Variants in TUSC3 observed in about 807,000 individuals in gnomAD.
TUSC3 encodes dolichyl-diphosphooligosaccharide--protein glycosyltransferase subunit TUSC3.
In TUSC3, 45 loss-of-function variants were observed where a neutral mutation model predicts 44.8. That is an observed-to-expected ratio of 1.00 (90% CI 0.79 to 1.29). TUSC3 has a LOEUF of 1.29. TUSC3 is among the 50% of genes most tolerant of loss of function. The pLI, the probability that TUSC3 is intolerant of heterozygous loss-of-function variation, is 0.00. For synonymous variants in TUSC3, 212 were observed against 152.9 expected, an observed-to-expected ratio of 1.39 and a Z score of -2.85; for missense variants, 519 against 437.9, an observed-to-expected ratio of 1.19 and a Z score of -1.65.
At chr8:15,528,627 G>A (rs992227293) in intron 2 of TUSC3, among the ~76,000 whole-genome samples, 4 of 152,160 alleles carry the variant, frequency 2.6e-5, no homozygotes, top group African/African-American at 7.2e-5. Context: ...TACCTTTCCA[G>A]TGTTTTCCTG....
At chr8:15,774,099 C>G in the TUSC3 span, among the ~76,000 whole-genome samples, 9 of 152,026 alleles carry the variant, frequency 5.9e-5, no homozygotes, top group African/African-American at 2.2e-4. Context: ...GAGCAATTAC[C>G]CATGGTAATA....
intron 8 of TUSC3, among the ~76,000 whole-genome samples, chr8:15,744,151 T>C (rs901578283): frequency 5.3e-5 from 8 of 152,198 alleles, no homozygotes; most frequent in Non-Finnish European, 7.3e-5. Context: ...GCCTTTTCCA[T>C]TGATATACCA....
At chr8:15,556,521 T>C (rs1802272593) in intron 1 of TUSC3, among the ~76,000 whole-genome samples, 1 of 150,834 alleles carries the variant, frequency 6.6e-6, no homozygotes, top group Non-Finnish European at 1.5e-5. Context: ...ATATACCCAG[T>C]AATGGGATGG....
intron 2 of TUSC3, among the ~76,000 whole-genome samples, chr8:15,649,541 G>T (rs575543147): frequency 6.6e-6 from 1 of 150,710 alleles, no homozygotes; most frequent in African/African-American, 2.4e-5. Flanking sequence ...CCGAGATCGC[G>T]CCACTGCACT....
chr8:15,669,724 A>G (rs1275058794), intron 5 of TUSC3, among the ~76,000 whole-genome samples: 1 of 151,772 alleles, frequency 6.6e-6, no homozygotes, highest in Non-Finnish European at 1.5e-5. Flanking sequence ...TGATTAAAAA[A>G]CATACAGTAA....
intron 7 of TUSC3, among the ~76,000 whole-genome samples, chr8:15,737,998 G>A (rs1811008054): frequency 6.6e-6 from 1 of 152,116 alleles, no homozygotes; most frequent in African/African-American, 2.4e-5. Flanking sequence ...TAAAGGCCTT[G>A]AGTTAAAAAA....
At chr8:15,522,632 T>G (rs771784833) in intron 2 of TUSC3, among the ~76,000 whole-genome samples, 1 of 151,782 alleles carries the variant, frequency 6.6e-6, no homozygotes, top group Non-Finnish European at 1.5e-5. Context: ...GTGGGTAAGC[T>G]ATTCCTCCCA....
rs61473043 is a variant in TUSC3 at position 15,749,915 on chromosome 8, T to C, written c.1028+1450T>C. Among the ~76,000 whole-genome samples the C allele has an allele frequency of 6.6e-3, 985 of 148,206 alleles. 13 individuals are homozygous for C. The highest frequency in any genetic ancestry group is 0.023 in the African/African-American group (911 of 39,894). The stretch of plus-strand genomic sequence containing the variant: ...AATCCATTTTCATCTATAGCACTTA[T>C]AGTTTCAAAGGAAATGTTGTATCTC... On this transcript the variant is annotated intron_variant, in intron 9 of 10. Coordinates refer to ENST00000503731, the MANE Select transcript of TUSC3 (RefSeq NM_006765.4).
downstream of TUSC3, among the ~76,000 whole-genome samples, chr8:15,770,393 C>G (rs567540208): frequency 6.6e-6 from 1 of 152,214 alleles, no homozygotes; most frequent in South Asian, 2.1e-4. Flanking sequence ...GAACATCACA[C>G]ACCGAGGCCT....
chr8:15,685,717 A>G lies in TUSC3; in HGVS notation c.798+11881A>G, dbSNP rs568062562. On this transcript the variant is annotated intron_variant, in intron 6 of 10. Transcript: ENST00000503731. ...ATAGTTTGTGGCAGTCAACAGAATC[A>G]ATATATAACAGACCTATATGAGCTC... Among the ~76,000 whole-genome samples the G allele has an allele frequency of 4.6e-5, 7 of 152,272 alleles. No homozygotes were observed. In the East Asian group the frequency reaches 9.7e-4, roughly 21 times the overall value.
rs955576938 is a variant in TUSC3, at chr8:15,765,903, T to A, written c.*1747T>A. 6 of 152,098 alleles carry A rather than the reference T, an allele frequency of 3.9e-5. No individual in the cohort carries two copies. The highest frequency in any genetic ancestry group is 8.8e-5 in the Non-Finnish European group (6 of 67,962). The allele number at this position is 152,098 out of a possible 1,614,324, so 9.4% of individuals were successfully genotyped here. A position where few individuals can be genotyped will look rare whatever the true frequency, so the allele number is the denominator to read the frequency against. On this transcript the variant is annotated 3_prime_UTR_variant, in exon 11 of 11. Transcript: ENST00000503731. Reference sequence around the variant, plus strand: ...TTTACAAGTATTAAACATTTGTTAATTATAATCACTTTTGTTTGTATCCTT... The same window carrying A: ...TTTACAAGTATTAAACATTTGTTAAATATAATCACTTTTGTTTGTATCCTT...
intron 1 of TUSC3, among the ~76,000 whole-genome samples, chr8:15,421,081 T>C (rs760301148): frequency 6.6e-6 from 1 of 152,194 alleles, no homozygotes; most frequent in Non-Finnish European, 1.5e-5. Context: ...TGTAACATAG[T>C]CATGTCCAAA....
At chr8:15,736,074 C>T (rs1471316986) in intron 7 of TUSC3, among the ~76,000 whole-genome samples, 1 of 151,946 alleles carries the variant, frequency 6.6e-6, no homozygotes. Context: ...AAGACAATAT[C>T]CTCTAGCAGT....
At chr8:15,655,327 C>T (rs778605485) in intron 3 of TUSC3, among the ~76,000 whole-genome samples, 4 of 152,276 alleles carry the variant, frequency 2.6e-5, no homozygotes, top group East Asian at 1.9e-4. Flanking sequence ...ATATGACCTT[C>T]CTCGCGGAAC....
At chr8:15,510,841 AAATTT>A (rs1407760964) in intron 2 of TUSC3, among the ~76,000 whole-genome samples, 1 of 152,238 alleles carries the variant, frequency 6.6e-6, no homozygotes, top group Non-Finnish European at 1.5e-5. Context: ...AAATGTTAGC[AAATTT>A]AATTTAACAG....
At chr8:15,773,751 A>T in the TUSC3 span, among the ~76,000 whole-genome samples, 24 of 152,198 alleles carry the variant, frequency 1.6e-4, no homozygotes, top group Admixed American at 5.2e-4. Flanking sequence ...AAACATATAG[A>T]TTAATAGAAT....
At chr8:15,436,304 G>A (rs1042468975) in intron 1 of TUSC3, among the ~76,000 whole-genome samples, 2 of 152,170 alleles carry the variant, frequency 1.3e-5, no homozygotes, top group African/African-American at 2.4e-5. Flanking sequence ...TCCCTGCCTC[G>A]TGGACTTACA....
At chr8:15,621,504 C>A (rs1805242397) in intron 1 of TUSC3, among the ~76,000 whole-genome samples, 1 of 142,936 alleles carries the variant, frequency 7.0e-6, no homozygotes. Flanking sequence ...ATAAAATACA[C>A]ATAAATATAT....
chr8:15,785,658 C>T, the TUSC3 span, among the ~76,000 whole-genome samples: 1 of 152,052 alleles, frequency 6.6e-6, no homozygotes, highest in East Asian at 1.9e-4. Flanking sequence ...CATGCCCCTG[C>T]CTCCTACACA....
Sources: allele counts gnomAD v4.1 joint callset (sites outside exome capture counted in the v4.1 genomes callset), GRCh38; gene constraint gnomAD v4.1.1; transcripts MANE v1.5; gene names NCBI Gene and HGNC (gene_info 2026-07-23, HGNC 2026-07-21).